Variants in PLD6 observed in about 807,000 individuals in gnomAD.
PLD6 encodes mitochondrial cardiolipin hydrolase.
PLD6 carries 10 observed loss-of-function variants against 9.7 expected under a neutral mutation model. The observed-to-expected ratio is 1.03, with a 90% CI of 0.64 to 1.75. The LOEUF is 1.75. Ranked by LOEUF, PLD6 falls within the 40% of genes most tolerant of loss-of-function variation. The probability of loss-of-function intolerance (pLI) is 0.00; values close to 1 mark genes in which losing one functional copy is unlikely to be tolerated. For missense variants in PLD6, 334 were observed against 347.6 expected (o/e 0.96, Z 0.31); for synonymous variants, 152 against 159.2 (o/e 0.96, Z 0.34).
chr17:17,202,971 A>C lies in PLD6; in HGVS notation c.555T>G (p.Asn185Lys). The change falls in exon 2 of 2, where the codon AAT (asparagine) becomes AAG (lysine). Residue 185 changes from asparagine (N) to lysine (K), a missense_variant. By Grantham distance (94) the Asn-to-Lys change is moderately conservative. Transcript: ENST00000321560. ...ACTCGTCGTCCTCCGTGATGAGAAC[A>C]TTCTCCCTGTTGTTCTGGATGGCTT... The part of the protein sequence containing the change: ...TTQAIQNNRE[N>K]VLITEDDEYV... 2 of 1,614,218 alleles carry C rather than the reference A, an allele frequency of 1.2e-6. No homozygotes were observed. Among genetic ancestry groups the C allele is most frequent in the Non-Finnish European group, 1.7e-6 (2 of 1,180,054 alleles).
chr17:17,202,464 G>C lies in PLD6; in HGVS notation c.*303C>G. ...GGAAGGGAATGGGATCGACCTGGAA[G>C]AGGCACTGTGCCTTTTCTGTGCTGT... On this transcript the variant is annotated 3_prime_UTR_variant, in exon 2 of 2. Transcript: ENST00000321560. 1 of 357,410 alleles carries C rather than the reference G, an allele frequency of 2.8e-6. No homozygotes were observed. The highest frequency in any genetic ancestry group is 5.2e-6 in the Non-Finnish European group (1 of 192,650). The allele number at this position is 357,410 out of a possible 1,614,324, so 22.1% of individuals were successfully genotyped here. A position where few individuals can be genotyped will look rare whatever the true frequency, so the allele number is the denominator to read the frequency against.
At position 17,202,885 on chromosome 17, in the gene PLD6, T is replaced by C; in HGVS notation, c.641A>G (p.Tyr214Cys). The C allele has an allele frequency of 6.2e-7, 1 of 1,614,188 alleles. No homozygotes were observed. Reference protein sequence around the residue: ...RIWEQFNPTKYTFFPPKKSHG... With the variant: ...RIWEQFNPTKCTFFPPKKSHG... ...ACTTTTCTTTGGTGGGAAAAAGGTA[T>C]ACTTTGTAGGGTTAAACTGTTCCCA... is the stretch of plus-strand genomic sequence containing the variant. The change falls in exon 2 of 2, where the codon TAT (tyrosine) becomes TGT (cysteine). Residue 214 changes from tyrosine to cysteine, a missense_variant. Transcript: ENST00000321560.
Position 17,202,255 on chromosome 17 carries a change from C to T in PLD6, c.*512G>A, listed in dbSNP as rs2046680847. The stretch of plus-strand genomic sequence containing the variant: ...CCGCACACTCACATCTTCCCTTCCT[C>T]CTGACTTCCATTTCCTTTCCTTACT... On this transcript the variant is annotated 3_prime_UTR_variant, in exon 2 of 2. Coordinates refer to ENST00000321560, the MANE Select transcript of PLD6 (RefSeq NM_178836.4). 6.3e-6 allele frequency: 1 copy of T among 159,722 alleles called. No homozygotes were observed. The highest frequency in any genetic ancestry group is 2.4e-5 in the African/African-American group (1 of 41,524). 9.9% of individuals were successfully genotyped at this position (159,722 alleles called of 1,614,324 possible).
chr17:17,203,457 G>A (rs1392794048), intron 1 of PLD6, among the ~76,000 whole-genome samples: 1 of 152,086 alleles, frequency 6.6e-6, no homozygotes, highest in Non-Finnish European at 1.5e-5. Context: ...CAGCGTGTGA[G>A]CCTTCAGGTT....
chr17:17,202,644 T>C lies in PLD6; in HGVS notation c.*123A>G, dbSNP rs374016688. ...AACAGAAATTTCCCTTTCCTAACCT[T>C]CTTTAGTTCAATTTAGTATTCTAAT... On this transcript the variant is annotated 3_prime_UTR_variant, in exon 2 of 2. Coordinates refer to ENST00000321560, the MANE Select transcript of PLD6 (RefSeq NM_178836.4). 13 of 973,620 alleles carry C rather than the reference T, an allele frequency of 1.3e-5. No homozygotes were observed. Among genetic ancestry groups the C allele is most frequent in the East Asian group, 1.3e-4 (5 of 39,062 alleles). The allele number at this position is 973,620 out of a possible 1,614,324, so 60.3% of individuals were successfully genotyped here.
chr17:17,202,810 G>A lies in PLD6; in HGVS notation c.716C>T (p.Ser239Leu), dbSNP rs142750509. The A allele has an allele frequency of 8.1e-6, 13 of 1,614,078 alleles. No individual in the cohort carries two copies. Among genetic ancestry groups the A allele is most frequent in the African/African-American group, 1.3e-5 (1 of 74,932 alleles). Residue 239 changes from serine to leucine, a missense_variant, in exon 2 of 2, where the codon TCA becomes TTA. Ser to Leu is a moderately radical substitution (Grantham distance 145, BLOSUM62 -2). Coordinates refer to ENST00000321560, the MANE Select transcript of PLD6 (RefSeq NM_178836.4). ...GGAGGTGCCGCAAGTTCTGTGCCAT[G>A]AAAGCAATCTCCCTCCAGCTCTGGA... ...PVSRAGGRLL[S>L]WHRTCGTSSE...
At chr17:17,205,161 A>C (rs2046706602) in intron 1 of PLD6, among the ~76,000 whole-genome samples, 2 of 152,232 alleles carry the variant, frequency 1.3e-5, no homozygotes, top group African/African-American at 2.4e-5. Flanking sequence ...GGATGGACTG[A>C]GAATCCTCAG....
chr17:17,205,903 G>A lies in PLD6; in HGVS notation c.384C>T (p.Tyr128=). 1.3e-6 allele frequency: 2 copies of A among 1,575,520 alleles called. No homozygotes were observed. Among genetic ancestry groups the A allele is most frequent in the Non-Finnish European group, 1.7e-6 (2 of 1,161,412 alleles). The change falls in exon 1 of 2, where the codon TAC becomes TAT. Residue 128 remains tyrosine (Y), a synonymous_variant. Transcript: ENST00000321560. Reference sequence around the variant, plus strand: ...CGATTTGCGAGCCGTTGAGGGCCATGTAGTCGCAGTCGGTGACGACCCGCA... The same window carrying A: ...CGATTTGCGAGCCGTTGAGGGCCATATAGTCGCAGTCGGTGACGACCCGCA... The part of the protein sequence containing the change: ...VRVRVVTDCD[Y]MALNGSQIGL...
Position 17,202,978 on chromosome 17 carries a change from C to T in PLD6, c.548G>A (p.Arg183Lys). The T allele has an allele frequency of 6.2e-7, 1 of 1,614,214 alleles. No individual in the cohort carries two copies. Among genetic ancestry groups the T allele is most frequent in the African/African-American group, 1.3e-5 (1 of 75,066 alleles). Residue 183 changes from arginine (R) to lysine (K), a missense_variant, in exon 2 of 2, where the codon AGG (arginine) becomes AAG (lysine). Transcript: ENST00000321560. The stretch of plus-strand genomic sequence containing the variant: ...GTCCTCCGTGATGAGAACATTCTCC[C>T]TGTTGTTCTGGATGGCTTGCGTGGT... ...NWTTQAIQNN[R>K]ENVLITEDDE...
In PLD6 at chr17:17,201,463, G is replaced by GTGT. The variant is rs1261439893; in HGVS notation, c.*1303_*1304insACA. 6.6e-6 allele frequency: 1 copy of GTGT among 152,192 alleles called. No individual in the cohort carries two copies. Among genetic ancestry groups the GTGT allele is most frequent in the Non-Finnish European group, 1.5e-5 (1 of 68,060 alleles). The allele number at this position is 152,192 out of a possible 1,614,324, so 9.4% of individuals were successfully genotyped here. A position where few individuals can be genotyped will look rare whatever the true frequency, so the allele number is the denominator to read the frequency against. On this transcript the variant is annotated 3_prime_UTR_variant, in exon 2 of 2. Coordinates refer to ENST00000321560, the MANE Select transcript of PLD6 (RefSeq NM_178836.4). ...TAACCTGGAACATTTCACAGTGTACGACACCTGTTCTACCTGGGAATGCAA... is the reference window on the plus strand; with the variant it reads ...TAACCTGGAACATTTCACAGTGTACGTGTACACCTGTTCTACCTGGGAATGCAA...
Position 17,201,562 on chromosome 17 carries a change from C to A in PLD6, c.*1205G>T, listed in dbSNP as rs1171779860. Reference sequence around the variant, plus strand: ...AAGCTGCTCTCCTCTTCCCCGCTCTCCTCTCCTCCGGTCCCGTGATGGGTT... The same window carrying A: ...AAGCTGCTCTCCTCTTCCCCGCTCTACTCTCCTCCGGTCCCGTGATGGGTT... On this transcript the variant is annotated 3_prime_UTR_variant, in exon 2 of 2. Coordinates refer to ENST00000321560, the MANE Select transcript of PLD6 (RefSeq NM_178836.4). 2.6e-5 allele frequency: 4 copies of A among 152,388 alleles called. No homozygotes were observed. Among genetic ancestry groups the A allele is most frequent in the African/African-American group, 9.6e-5 (4 of 41,460 alleles). The allele number at this position is 152,388 out of a possible 1,614,324, so 9.4% of individuals were successfully genotyped here.
chr17:17,205,782 C>T, intron 1 of PLD6, 78 bp downstream of exon 1: 1 of 1,475,654 alleles, frequency 6.8e-7, no homozygotes, highest in Non-Finnish European at 9.1e-7. Context: ...AGACCCCCTC[C>T]CCTAAGTGTC....
rs568137012 is a variant in PLD6 at position 17,206,106 on chromosome 17, C to T, written c.181G>A (p.Glu61Lys). 2 of 1,480,260 alleles carry T rather than the reference C, an allele frequency of 1.4e-6. No individual in the cohort carries two copies. Among genetic ancestry groups the T allele is most frequent in the Admixed American group, 2.5e-5 (1 of 40,396 alleles). The allele number at this position is 1,480,260 out of a possible 1,614,324, so 91.7% of individuals were successfully genotyped here. A position where few individuals can be genotyped will look rare whatever the true frequency, so the allele number is the denominator to read the frequency against. Residue 61 changes from glutamate (E) to lysine (K), a missense_variant, in exon 1 of 2, where the codon GAG becomes AAG. Glu to Lys is a moderately conservative substitution (Grantham distance 56). Coordinates refer to ENST00000321560, the MANE Select transcript of PLD6 (RefSeq NM_178836.4). Reference protein sequence around the residue: ...TEALLRAPGAELAELPEGCPC... With the variant: ...TEALLRAPGAKLAELPEGCPC... ...CAGCCCTCGGGGAGCTCGGCCAGCT[C>T]CGCGCCCGGAGCCCGCAGCAGGGCC...
intron 1 of PLD6, among the ~76,000 whole-genome samples, chr17:17,205,383 G>A (rs1414813729): frequency 2.6e-5 from 4 of 152,124 alleles, no homozygotes; most frequent in Admixed American, 1.3e-4. Context: ...TCTCCCCAGA[G>A]CCCTTCAGTC....
rs764886116 is a variant in PLD6 at position 17,206,088 on chromosome 17, C to A, written c.199G>T (p.Glu67Ter). ...TGGGGCAGGCCGCACGGGCAGCCCT[C>A]GGGGAGCTCGGCCAGCTCCGCGCCC... ...APGAELAELP[E>*]GCPCGLPHGE... The change falls in exon 1 of 2, where the codon GAG becomes TAG. Residue 67 changes from glutamate to a stop codon, truncating the protein, a stop_gained. Transcript: ENST00000321560. LOFTEE classifies it high-confidence loss of function. The A allele has an allele frequency of 8.7e-6, 13 of 1,489,336 alleles. No homozygotes were observed. In the South Asian group the frequency reaches 1.7e-4, roughly 19 times the overall value. 92.3% of individuals were successfully genotyped at this position (1,489,336 alleles called of 1,614,324 possible). A position where few individuals can be genotyped will look rare whatever the true frequency, so the allele number is the denominator to read the frequency against.
Position 17,206,269 on chromosome 17 carries a change from C to G in PLD6, c.18G>C (p.Trp6Cys). Reference protein sequence around the residue: MGRLSWQVAAAAAVGL... With the variant: MGRLSCQVAAAAAVGL... ...CCACAGCCGCCGCGGCCGCCACCTG[C>G]CAACTCAACCGTCCCATGCCGCCGC... Residue 6 changes from tryptophan (W) to cysteine (C), a missense_variant, in exon 1 of 2, where the codon TGG becomes TGC. Coordinates refer to ENST00000321560, the MANE Select transcript of PLD6 (RefSeq NM_178836.4). 2.6e-6 allele frequency: 4 copies of G among 1,543,678 alleles called. No homozygotes were observed. The South Asian group carries it at 4.7e-5, about 18-fold the overall frequency.
chr17:17,203,090 C>T lies in PLD6; in HGVS notation c.436G>A (p.Val146Ile), dbSNP rs757940831. The T allele has an allele frequency of 1.2e-6, 2 of 1,613,028 alleles. No individual in the cohort carries two copies. Among genetic ancestry groups the T allele is most frequent in the Non-Finnish European group, 1.7e-6 (2 of 1,179,064 alleles). ...TAGCCTGGGTCTTGATCGTGCCGGA[C>T]CTGGATCCCTGCAGAAAGGACAAGG... The part of the protein sequence containing the change: ...IGLLRKAGIQ[V>I]RHDQDPGYMH... The change falls in exon 2 of 2, where the codon GTC becomes ATC. Residue 146 changes from valine to isoleucine, a missense_variant. Physicochemically the swap from Val to Ile is conservative, Grantham distance 29 (BLOSUM62 3). Coordinates refer to ENST00000321560, the MANE Select transcript of PLD6 (RefSeq NM_178836.4).
Position 17,206,128 on chromosome 17 carries a change from G to A in PLD6, c.159C>T (p.Ala53=), listed in dbSNP as rs2144783933. Reference sequence around the variant, plus strand: ...GCTCCGCGCCCGGAGCCCGCAGCAGGGCCTCGGTACAGGTCACCTGAGACG... The same window carrying A: ...GCTCCGCGCCCGGAGCCCGCAGCAGAGCCTCGGTACAGGTCACCTGAGACG... ...FFPSQVTCTE[A]LLRAPGAELA... is the part of the protein sequence containing the mutation. Residue 53 remains alanine (A), a synonymous_variant, in exon 1 of 2, where the codon GCC becomes GCT. Transcript: ENST00000321560. The A allele has an allele frequency of 6.7e-7, 1 of 1,490,694 alleles. No homozygotes were observed. The highest frequency in any genetic ancestry group is 2.8e-5 in the East Asian group (1 of 35,832). The allele number at this position is 1,490,694 out of a possible 1,614,324, so 92.3% of individuals were successfully genotyped here.
Position 17,206,278 on chromosome 17 carries a change from C to T in PLD6, c.9G>A (p.Arg3=). 2.0e-6 allele frequency: 3 copies of T among 1,533,534 alleles called. No homozygotes were observed. The highest frequency in any genetic ancestry group is 2.4e-5 in the South Asian group (2 of 84,042). 95.0% of individuals were successfully genotyped at this position (1,533,534 alleles called of 1,614,324 possible). Residue 3 remains arginine (R), a synonymous_variant, in exon 1 of 2, where the codon CGG becomes CGA. Coordinates refer to ENST00000321560, the MANE Select transcript of PLD6 (RefSeq NM_178836.4). MG[R]LSWQVAAAAA... ...CCGCGGCCGCCACCTGCCAACTCAA[C>T]CGTCCCATGCCGCCGCTAATCCGGG...
Sources: allele counts gnomAD v4.1 joint callset (sites outside exome capture counted in the v4.1 genomes callset), GRCh38; gene constraint gnomAD v4.1.1; transcripts MANE v1.5; gene names NCBI Gene and HGNC (gene_info 2026-07-23, HGNC 2026-07-21).